Variants in COL27A1 observed in about 807,000 individuals in gnomAD.
COL27A1 encodes collagen type XXVII alpha 1 chain, also known as collagen alpha-1(XXVII) chain.
COL27A1 carries 106 observed loss-of-function variants against 251.3 expected under a neutral mutation model. That is an observed-to-expected ratio of 0.42 (90% CI 0.36 to 0.50). COL27A1 has a LOEUF of 0.50. Ranked by LOEUF, COL27A1 falls within the 20% of genes least tolerant of loss-of-function variation. The pLI, the probability that COL27A1 is intolerant of heterozygous loss-of-function variation, is 0.00. For synonymous variants in COL27A1, 1,000 were observed against 986.3 expected, an observed-to-expected ratio of 1.01 and a Z score of -0.26; for missense variants, 2,325 against 2,522.8, an observed-to-expected ratio of 0.92 and a Z score of 1.68.
intron 22 of COL27A1, 84 bp downstream of exon 22, chr9:114,242,315 C>T (rs1457713489): frequency 1.6e-6 from 2 of 1,241,816 alleles, no homozygotes; most frequent in Admixed American, 2.4e-5. Context: ...GGCCAGTGCT[C>T]CAGAGGGAAG....
Position 114,286,769 on chromosome 9 carries a change from C to T in COL27A1, c.3988-1686C>T, listed in dbSNP as rs188264911. Among the ~76,000 whole-genome samples the T allele has an allele frequency of 2.0e-3, 310 of 152,226 alleles. 1 individual carries two copies. Among genetic ancestry groups the T allele is most frequent in the Middle Eastern group, 6.8e-3 (2 of 294 alleles). On this transcript the variant is annotated intron_variant, in intron 41 of 60. Transcript: ENST00000356083. ...TAATAGAATTAAAAAAAAATGCATC[C>T]CCAGACTACAGTCACATTGCGGGGG... is the stretch of plus-strand genomic sequence containing the variant.
chr9:114,284,674 G>T (rs1250163088), intron 40 of COL27A1, 50 bp from the exon 41 acceptor site: 8 of 1,596,064 alleles, frequency 5.0e-6, no homozygotes, highest in Non-Finnish European at 6.9e-6. Flanking sequence ...CATGTCCTTT[G>T]TCCTTCCTGA....
At chr9:114,302,717 CA>C (rs1227081020) in intron 56 of COL27A1, among the ~76,000 whole-genome samples, 1 of 77,272 alleles carries the variant, frequency 1.3e-5, no homozygotes, top group Non-Finnish European at 2.7e-5. Context: ...CAAAAAGAAA[CA>C]AAAAAAACAA....
intron 40 of COL27A1, 92 bp downstream of exon 40, chr9:114,283,854 G>T: frequency 7.7e-7 from 1 of 1,297,280 alleles, no homozygotes; most frequent in South Asian, 1.3e-5. Context: ...CCACCTCCCA[G>T]CTGAAGGCTG....
At chr9:114,188,545 T>A (rs1286755091) in intron 5 of COL27A1, among the ~76,000 whole-genome samples, 1 of 152,230 alleles carries the variant, frequency 6.6e-6, no homozygotes, top group Non-Finnish European at 1.5e-5. Flanking sequence ...TGTGTGTGTG[T>A]GTATGTGCAC....
intron 21 of COL27A1, among the ~76,000 whole-genome samples, chr9:114,241,511 G>C (rs1279104034): frequency 6.6e-6 from 1 of 152,226 alleles, no homozygotes; most frequent in Non-Finnish European, 1.5e-5. Context: ...TGAGCCTGTG[G>C]GGGTGGGGAG....
chr9:114,225,501 C>T (rs1831411096), intron 14 of COL27A1, among the ~76,000 whole-genome samples: 1 of 152,206 alleles, frequency 6.6e-6, no homozygotes, highest in Non-Finnish European at 1.5e-5. Flanking sequence ...ATCAAATCAC[C>T]TCTGCTCCCT....
intron 37 of COL27A1, 100 bp from the exon 38 acceptor site, chr9:114,282,177 C>A (rs1588865006): frequency 1.1e-5 from 12 of 1,061,568 alleles, no homozygotes; most frequent in Non-Finnish European, 1.7e-5. Context: ...CGAACCTGGC[C>A]ATCTGCCTCC....
chr9:114,270,924 GA>G, intron 36 of COL27A1, 143 bp downstream of exon 36: 1 of 710,678 alleles, frequency 1.4e-6, no homozygotes, highest in Non-Finnish European at 2.4e-6. Flanking sequence ...GCAGCTTGGG[GA>G]AGGGTCAGCA....
At chr9:114,256,465 C>G (rs986210264) in intron 27 of COL27A1, among the ~76,000 whole-genome samples, 2 of 152,198 alleles carry the variant, frequency 1.3e-5, no homozygotes, top group Non-Finnish European at 2.9e-5. Flanking sequence ...TGCACTCCAG[C>G]CTGGGCGACA....
In COL27A1 at chr9:114,205,789, G is replaced by T. The variant is rs1293511247; in HGVS notation, c.2200G>T (p.Ala734Ser). 1 of 1,613,724 alleles carries T rather than the reference G, an allele frequency of 6.2e-7. No individual in the cohort carries two copies. Among genetic ancestry groups the T allele is most frequent in the African/African-American group, 1.3e-5 (1 of 74,906 alleles). ...GCCAGGACCTGAGGGCAGCCCAGGG[G>T]CCAAAGGTTACCCTGGCAGGCAGGT... ...GQPGPEGSPGAKGYPGRQGLP... is the reference protein window; with the variant it reads ...GQPGPEGSPGSKGYPGRQGLP... Residue 734 changes from alanine to serine, a missense_variant, in exon 9 of 61, where the codon GCC becomes TCC. Ala to Ser is a moderately conservative substitution (Grantham distance 99, BLOSUM62 1). This residue lies in a region of COL27A1 where 1,183 missense variants were observed against 1,144.1 expected (regional missense o/e 1.03). Coordinates refer to ENST00000356083, the MANE Select transcript of COL27A1 (RefSeq NM_032888.4).
intron 56 of COL27A1, 81 bp from the exon 57 acceptor site, chr9:114,304,527 A>T (rs768066548): frequency 2.3e-6 from 3 of 1,290,158 alleles, no homozygotes; most frequent in Non-Finnish European, 3.4e-6. Flanking sequence ...CTGCCAGGGA[A>T]TGTGGCCCTG....
rs1176559426 is a variant in COL27A1, at chr9:114,253,369, AGAC to A, written c.3141+440_3141+442del. Among the ~76,000 whole-genome samples, 480 of 118,902 alleles carry A rather than the reference AGAC, an allele frequency of 4.0e-3. 6 individuals carry two copies. In the East Asian group the frequency reaches 0.073, roughly 18 times the overall value. 78.0% of individuals were successfully genotyped at this position (118,902 alleles called of 152,430 possible). A position where few individuals can be genotyped will look rare whatever the true frequency, so the allele number is the denominator to read the frequency against. ...AAGAAGGGAGTGGAGGAAGAAAGAA[AGAC>A]GAAAGAAAGAAAGAAAAAAGAAAGA... On this transcript the variant is annotated intron_variant, in intron 27 of 60. Transcript: ENST00000356083.
At chr9:114,295,167 A>G (rs1828177710) in intron 49 of COL27A1, among the ~76,000 whole-genome samples, 1 of 152,270 alleles carries the variant, frequency 6.6e-6, no homozygotes, top group South Asian at 2.1e-4. Flanking sequence ...TTAGAAATGG[A>G]AATCTAAAAA....
At position 114,209,676 on chromosome 9, in the gene COL27A1, G is replaced by T; in HGVS notation, c.2270G>T (p.Gly757Val). The T allele has an allele frequency of 6.2e-7, 1 of 1,614,176 alleles. No individual in the cohort carries two copies. Among genetic ancestry groups the T allele is most frequent in the Non-Finnish European group, 8.5e-7 (1 of 1,180,014 alleles). The change falls in exon 11 of 61, where the codon GGC (glycine) becomes GTC (valine). Residue 757 changes from glycine to valine, a missense_variant and splice_region_variant. Around this residue, in one of 4 missense-constraint regions of COL27A1, gnomAD observed 1,183 missense variants for 1,144.1 expected, o/e 1.03. Transcript: ENST00000356083. ...GACCCCCTTTCTTCTCTTTCCTAGGGCTACATTGGGCTCCCAGGGCTCTTC... is the reference window on the plus strand; with the variant it reads ...GACCCCCTTTCTTCTCTTTCCTAGGTCTACATTGGGCTCCCAGGGCTCTTC... ...VGDPGPKGSR[G>V]YIGLPGLFGL...
intron 24 of COL27A1, among the ~76,000 whole-genome samples, chr9:114,248,813 A>G (rs10982123): frequency 0.089 from 13,482 of 152,244 alleles, 621 homozygotes; most frequent in Non-Finnish European, 0.1. Flanking sequence ...AATTTAAAGT[A>G]GCTATGAAAT....
chr9:114,167,664 C>T (rs765082448), intron 2 of COL27A1, 25 bp from the exon 3 acceptor site: 23 of 1,585,090 alleles, frequency 1.5e-5, no homozygotes, highest in Non-Finnish European at 1.9e-5. Flanking sequence ...TGACTGCGTC[C>T]TCTCCCCTTT....
chr9:114,182,889 A>C, intron 4 of COL27A1, 133 bp from the exon 5 acceptor site: 1 of 768,264 alleles, frequency 1.3e-6, no homozygotes, highest in Non-Finnish European at 2.2e-6. Context: ...TGGCCACGAC[A>C]GTGTTGCTAG....
In COL27A1 at chr9:114,220,185, A is replaced by G. The variant is rs1830984339; in HGVS notation, c.2421+341A>G. On this transcript the variant is annotated intron_variant, in intron 13 of 60. Transcript: ENST00000356083. ...ATCTTACACAGCATCAGCAATGTTT[A>G]TGGGCCGGCAGAGGCATGGGGAAGC... Among the ~76,000 whole-genome samples, 3 of 152,194 alleles carry G rather than the reference A, an allele frequency of 2.0e-5. No homozygotes were observed. In the South Asian group the frequency reaches 6.2e-4, roughly 32 times the overall value.
Sources: allele counts gnomAD v4.1 joint callset (sites outside exome capture counted in the v4.1 genomes callset), GRCh38; gene constraint gnomAD v4.1.1; regional missense constraint gnomAD v4.1.1; transcripts MANE v1.5; gene names NCBI Gene and HGNC (gene_info 2026-07-23, HGNC 2026-07-21).